The following MAGOH variants were observed in gnomAD, a reference collection of about 807,000 sequenced individuals.
MAGOH encodes the protein protein mago nashi homolog.
Under a neutral mutation model 20.9 loss-of-function variants are expected in MAGOH, and 3 were observed. The observed-to-expected ratio is 0.14, with a 90% CI of 0.07 to 0.37. MAGOH has a LOEUF of 0.37. Ranked by LOEUF, MAGOH falls within the 10% of genes least tolerant of loss-of-function variation. The pLI, the probability that MAGOH is intolerant of heterozygous loss-of-function variation, is 1.00. For missense variants in MAGOH, 66 were observed against 178.1 expected (o/e 0.37, Z 3.58); for synonymous variants, 51 against 61.0 (o/e 0.84, Z 0.76).
intron 3 of MAGOH, among the ~76,000 whole-genome samples, chr1:53,229,182 G>GA (rs1645574251): frequency 6.7e-6 from 1 of 150,024 alleles, no homozygotes. Context: ...CTCAGATTTG[G>GA]AAAAATCTAT....
intron 3 of MAGOH, among the ~76,000 whole-genome samples, chr1:53,229,810 TAG>T (rs1205053668): frequency 1.3e-5 from 2 of 152,054 alleles, no homozygotes; most frequent in Non-Finnish European, 2.9e-5. Flanking sequence ...TCCCAGCTAC[TAG>T]AGAGGCTGAG....
In MAGOH at chr1:53,233,622, G is replaced by A; in HGVS notation, c.178C>T (p.Leu60=). 6.2e-7 allele frequency: 1 copy of A among 1,613,834 alleles called. No homozygotes were observed. Among genetic ancestry groups the A allele is most frequent in the Non-Finnish European group, 8.5e-7 (1 of 1,179,768 alleles). ...AYVHKSVMEE[L]KRIIDDSEIT... ...TCACTGTCGTCAATTATTCTCTTCA[G>A]TTCCTCCATCACGCTTTTATGTACA... is the stretch of plus-strand genomic sequence containing the variant. Residue 60 remains leucine, a synonymous_variant, in exon 3 of 5, where the codon CTG becomes TTG. Coordinates refer to ENST00000371470, the MANE Select transcript of MAGOH (RefSeq NM_002370.4).
At chr1:53,234,625 C>T (rs1368471448) in intron 2 of MAGOH, among the ~76,000 whole-genome samples, 1 of 152,056 alleles carries the variant, frequency 6.6e-6, no homozygotes, top group Non-Finnish European at 1.5e-5. Flanking sequence ...CCGCCCGCCT[C>T]GGCCTCCCAA....
chr1:53,227,012 C>A lies in MAGOH; in HGVS notation c.*33G>T. The A allele has an allele frequency of 1.9e-6, 2 of 1,027,254 alleles. No homozygotes were observed. The highest frequency in any genetic ancestry group is 3.0e-5 in the South Asian group (2 of 66,310). The allele number at this position is 1,027,254 out of a possible 1,614,324, so 63.6% of individuals were successfully genotyped here. On this transcript the variant is annotated 3_prime_UTR_variant, in exon 5 of 5. Coordinates refer to ENST00000371470, the MANE Select transcript of MAGOH (RefSeq NM_002370.4). ...TGATATACACAAAATTTTCTACTCC[C>A]ACCCACCCCCCATGTCCACACCAAT... is the stretch of plus-strand genomic sequence containing the variant.
intron 3 of MAGOH, among the ~76,000 whole-genome samples, chr1:53,229,628 A>G (rs1392003078): frequency 1.3e-5 from 2 of 152,198 alleles, no homozygotes; most frequent in African/African-American, 4.8e-5. Context: ...TAAAAATACC[A>G]AACAATTGGA....
intron 1 of MAGOH, among the ~76,000 whole-genome samples, chr1:53,237,410 C>T (rs1444265257): frequency 2.0e-5 from 3 of 151,038 alleles, no homozygotes; most frequent in African/African-American, 7.3e-5. Flanking sequence ...CGCGGTGGCT[C>T]ACACCTGTAA....
intron 3 of MAGOH, among the ~76,000 whole-genome samples, chr1:53,229,310 T>C (rs963037551): frequency 7.2e-5 from 11 of 152,022 alleles, no homozygotes. Flanking sequence ...GCGATTCTCC[T>C]GCCTCAGCTT....
chr1:53,237,693 A>AAAAAAAAAAAAAAAT (rs1645619576), intron 1 of MAGOH, among the ~76,000 whole-genome samples: 1 of 149,878 alleles, frequency 6.7e-6, no homozygotes, highest in South Asian at 2.1e-4. Flanking sequence ...AAAAAAAAAA[A>AAAAAAAAAAAAAAAT]GGCCTTCCAA....
chr1:53,236,036 A>G (rs1645608634), intron 1 of MAGOH, among the ~76,000 whole-genome samples: 1 of 152,254 alleles, frequency 6.6e-6, no homozygotes, highest in Non-Finnish European at 1.5e-5. Flanking sequence ...TGCAGTTTAC[A>G]TATATTATCA....
At chr1:53,235,928 G>C (rs749467449) in intron 1 of MAGOH, among the ~76,000 whole-genome samples, 167 of 152,322 alleles carry the variant, frequency 1.1e-3, no homozygotes, top group African/African-American at 3.5e-3. Context: ...TTTTGCAGGT[G>C]AATGTCCTGA....
rs1031978897 is a variant in MAGOH, at chr1:53,229,213, T to C, written c.259-259A>G. Among the ~76,000 whole-genome samples the C allele has an allele frequency of 4.1e-4, 62 of 151,628 alleles. 1 individual carries two copies. Among genetic ancestry groups the C allele is most frequent in the African/African-American group, 1.3e-3 (55 of 41,386 alleles). ...TCTATGTAGGTTTTTTTTTTTTTTT[T>C]CCTGAGACAGAGTCTCACTCTGTTG... On this transcript the variant is annotated intron_variant, in intron 3 of 4. Transcript: ENST00000371470.
At chr1:53,231,076 A>G (rs574496724) in intron 3 of MAGOH, among the ~76,000 whole-genome samples, 30 of 152,176 alleles carry the variant, frequency 2.0e-4, no homozygotes, top group African/African-American at 6.0e-4. Flanking sequence ...CTCTTTTCTC[A>G]TATCATTTTT....
At chr1:53,227,296 A>AAAATAT in intron 4 of MAGOH, 152 bp from the exon 5 acceptor site, 1 of 472,202 alleles carries the variant, frequency 2.1e-6, no homozygotes. Flanking sequence ...ATTAAGTGAA[A>AAAATAT]AAATATAATT....
chr1:53,229,928 C>T (rs987804389), intron 3 of MAGOH, among the ~76,000 whole-genome samples: 7 of 151,984 alleles, frequency 4.6e-5, no homozygotes, highest in Non-Finnish European at 8.8e-5. Context: ...CCAACAACAA[C>T]AAACAAAAAC....
chr1:53,233,440 G>T, intron 3 of MAGOH, 102 bp downstream of exon 3: 1 of 728,658 alleles, frequency 1.4e-6, no homozygotes, highest in South Asian at 1.7e-5. Context: ...GTCCATAGTA[G>T]TTAGTAAGTG....
Position 53,228,891 on chromosome 1 carries a change from T to C in MAGOH, c.322A>G (p.Ile108Val), listed in dbSNP as rs1345279081. The C allele has an allele frequency of 1.2e-6, 2 of 1,611,120 alleles. No homozygotes were observed. Among genetic ancestry groups the C allele is most frequent in the Admixed American group, 1.7e-5 (1 of 60,016 alleles). The change falls in exon 4 of 5, where the codon ATT (isoleucine) becomes GTT (valine). Residue 108 changes from isoleucine (I) to valine (V), a missense_variant. Ile to Val is a conservative substitution (Grantham distance 29). Coordinates refer to ENST00000371470, the MANE Select transcript of MAGOH (RefSeq NM_002370.4). Reference protein sequence around the residue: ...SFTTSKIGSLIDVNQSKDPEG... With the variant: ...SFTTSKIGSLVDVNQSKDPEG... ...ACTTACTTGGATTGATTGACATCAATAAGGGAACCAATTTTTGATGTTGTA... is the reference window on the plus strand; with the variant it reads ...ACTTACTTGGATTGATTGACATCAACAAGGGAACCAATTTTTGATGTTGTA...
At chr1:53,229,034 A>C (rs1645573538) in intron 3 of MAGOH, 80 bp from the exon 4 acceptor site, 2 of 982,832 alleles carry the variant, frequency 2.0e-6, no homozygotes, top group Non-Finnish European at 3.2e-6. Flanking sequence ...CATTTGCCAA[A>C]TCACACAAAC....
intron 1 of MAGOH, among the ~76,000 whole-genome samples, chr1:53,237,651 G>C (rs974057513): frequency 8.6e-6 from 1 of 116,024 alleles, no homozygotes; most frequent in Non-Finnish European, 1.7e-5. Context: ...TCCAGCCTGG[G>C]CAAAAAGAGC....
At chr1:53,236,361 A>C (rs1003011549) in intron 1 of MAGOH, among the ~76,000 whole-genome samples, 1 of 152,240 alleles carries the variant, frequency 6.6e-6, no homozygotes, top group African/African-American at 2.4e-5. Flanking sequence ...ACTTTGATAA[A>C]GTCAATGGCT....
Sources: gnomAD v4.1 joint callset for allele counts (sites outside exome capture counted in the v4.1 genomes callset) on GRCh38, gnomAD v4.1.1 for gene constraint, MANE v1.5 for transcripts, NCBI Gene and HGNC (gene_info 2026-07-23, HGNC 2026-07-21) for gene names.